The following MED13L variants were observed in gnomAD, a reference collection of about 807,000 sequenced individuals.
MED13L encodes the protein mediator of RNA polymerase II transcription subunit 13-like.
MED13L carries 7 observed loss-of-function variants against 220.9 expected under a neutral mutation model. The observed-to-expected ratio is 0.03, with a 90% CI of 0.02 to 0.06. The LOEUF (loss-of-function observed/expected upper bound fraction) is 0.06, where lower values mean the gene tolerates loss of function less well. Ranked by LOEUF, MED13L falls within the 10% of genes least tolerant of loss-of-function variation. The probability of loss-of-function intolerance (pLI) is 1.00; values close to 1 mark genes in which losing one functional copy is unlikely to be tolerated. For synonymous variants in MED13L, 1,011 were observed against 1,015.2 expected, an observed-to-expected ratio of 1.00 and a Z score of 0.08; for missense variants, 1,965 against 2,760.5, an observed-to-expected ratio of 0.71 and a Z score of 6.46.
At chr12:115,998,471 G>A (rs542050840) in intron 14 of MED13L, among the ~76,000 whole-genome samples, 9 of 152,202 alleles carry the variant, frequency 5.9e-5, no homozygotes, top group Non-Finnish European at 1.2e-4. Flanking sequence ...CAGTCCAGGT[G>A]CTGGGGACTT....
chr12:116,158,358 A>T (rs1203663027), intron 2 of MED13L, among the ~76,000 whole-genome samples: 2 of 152,196 alleles, frequency 1.3e-5, no homozygotes, highest in East Asian at 3.9e-4. Context: ...TTCTGGAAGA[A>T]GATCGGTTCT....
chr12:115,989,643 A>G (rs913864218), intron 17 of MED13L, among the ~76,000 whole-genome samples: 1 of 152,152 alleles, frequency 6.6e-6, no homozygotes, highest in Non-Finnish European at 1.5e-5. Context: ...CCAAACTTCC[A>G]CAACTCAATT....
At chr12:116,077,131 C>T (rs967926131) in intron 4 of MED13L, among the ~76,000 whole-genome samples, 2 of 152,220 alleles carry the variant, frequency 1.3e-5, no homozygotes, top group Non-Finnish European at 2.9e-5. Flanking sequence ...ATAAATATCT[C>T]TTCTTTACTA....
At chr12:116,133,988 T>C (rs926794584) in intron 2 of MED13L, among the ~76,000 whole-genome samples, 2 of 152,166 alleles carry the variant, frequency 1.3e-5, no homozygotes, top group Non-Finnish European at 2.9e-5. Flanking sequence ...AAGACTGCAG[T>C]CTTGGAGCCC....
chr12:116,198,838 T>C (rs1263146660), intron 2 of MED13L, among the ~76,000 whole-genome samples: 2 of 152,106 alleles, frequency 1.3e-5, no homozygotes, highest in Non-Finnish European at 2.9e-5. Context: ...TTAGGAGAAA[T>C]AGTAAAATGA....
At chr12:116,105,978 C>T (rs752201473) in intron 3 of MED13L, among the ~76,000 whole-genome samples, 1 of 152,200 alleles carries the variant, frequency 6.6e-6, no homozygotes, top group Non-Finnish European at 1.5e-5. Flanking sequence ...ATGTGCTCTG[C>T]CACTGCTCTG....
At position 115,958,819 on chromosome 12, in the gene MED13L, A is replaced by T. The variant is rs1875577973; in HGVS notation, c.*2447T>A. 6.6e-6 allele frequency: 1 copy of T among 152,582 alleles called. No homozygotes were observed. The highest frequency in any genetic ancestry group is 1.5e-5 in the Non-Finnish European group (1 of 68,036). 9.5% of individuals were successfully genotyped at this position (152,582 alleles called of 1,614,324 possible). ...AAGAAGCTCACTGCAAAATGCTTGA[A>T]GGAAAAAAGGAAACAAAAGAAATTC... On this transcript the variant is annotated 3_prime_UTR_variant, in exon 31 of 31. Coordinates refer to ENST00000281928, the MANE Select transcript of MED13L (RefSeq NM_015335.5).
At chr12:116,160,774 A>G (rs1244104079) in intron 2 of MED13L, among the ~76,000 whole-genome samples, 1 of 137,518 alleles carries the variant, frequency 7.3e-6, no homozygotes, top group Admixed American at 7.4e-5. Flanking sequence ...TTTTTTTTGT[A>G]GAGACAGGGT....
At chr12:116,086,180 T>C (rs765688774) in intron 4 of MED13L, among the ~76,000 whole-genome samples, 11 of 151,978 alleles carry the variant, frequency 7.2e-5, no homozygotes, top group Non-Finnish European at 1.3e-4. Flanking sequence ...TCAAGAGACA[T>C]AGGCAGAAGA....
intron 2 of MED13L, among the ~76,000 whole-genome samples, chr12:116,223,413 A>G (rs1868627163): frequency 2.0e-5 from 3 of 152,164 alleles, no homozygotes; most frequent in Non-Finnish European, 2.9e-5. Context: ...AGACTATAAA[A>G]TAAGATACTG....
chr12:116,245,923 T>C (rs1238490461), intron 1 of MED13L, among the ~76,000 whole-genome samples: 1 of 152,090 alleles, frequency 6.6e-6, no homozygotes, highest in African/African-American at 2.4e-5. Flanking sequence ...GCTCTCTGAG[T>C]GCTCAGAACA....
chr12:116,035,462 G>A (rs1881126310), intron 4 of MED13L, among the ~76,000 whole-genome samples: 1 of 152,042 alleles, frequency 6.6e-6, no homozygotes, highest in Non-Finnish European at 1.5e-5. Context: ...AGAGGTAGCA[G>A]GATACATTTT....
At chr12:116,043,689 C>G (rs1881668149) in intron 4 of MED13L, among the ~76,000 whole-genome samples, 3 of 152,118 alleles carry the variant, frequency 2.0e-5, no homozygotes, top group Non-Finnish European at 2.9e-5. Context: ...ATCTATTTAT[C>G]TTGACTATGT....
chr12:116,186,067 G>A lies in MED13L; in HGVS notation c.310+51401C>T, dbSNP rs542129157. 2.6e-5 allele frequency among the ~76,000 whole-genome samples: 4 copies of A among 152,082 alleles called. 1 individual carries two copies. Among genetic ancestry groups the A allele is most frequent in the Admixed American group, 1.3e-4 (2 of 15,278 alleles). ...CCTGAAACAAATACGCTACCTCTTC[G>A]TTTCTGCATTTCATCATATACTTCT... is the stretch of plus-strand genomic sequence containing the variant. On this transcript the variant is annotated intron_variant, in intron 2 of 30. Transcript: ENST00000281928.
At chr12:116,162,442 T>C (rs1328298063) in intron 2 of MED13L, among the ~76,000 whole-genome samples, 1 of 152,186 alleles carries the variant, frequency 6.6e-6, no homozygotes, top group Non-Finnish European at 1.5e-5. Flanking sequence ...GATATGGAAA[T>C]ATCCATGTGA....
intron 4 of MED13L, among the ~76,000 whole-genome samples, chr12:116,056,241 C>A (rs1405567486): frequency 6.6e-6 from 1 of 151,814 alleles, no homozygotes; most frequent in African/African-American, 2.4e-5. Context: ...ATAATGTATG[C>A]ATTTTCTAAT....
At chr12:115,977,905 G>A (rs1029578497) in intron 23 of MED13L, among the ~76,000 whole-genome samples, 2 of 152,100 alleles carry the variant, frequency 1.3e-5, no homozygotes, top group Non-Finnish European at 2.9e-5. Flanking sequence ...TCAGGCAGGA[G>A]GATCACTTAA....
chr12:116,085,511 A>G lies in MED13L; in HGVS notation c.479+11158T>C, dbSNP rs151267236. Among the ~76,000 whole-genome samples the G allele has an allele frequency of 4.8e-3, 730 of 152,282 alleles. 6 individuals carry two copies. Among genetic ancestry groups the G allele is most frequent in the African/African-American group, 0.017 (700 of 41,558 alleles). On this transcript the variant is annotated intron_variant, in intron 4 of 30. Coordinates refer to ENST00000281928, the MANE Select transcript of MED13L (RefSeq NM_015335.5). ...GATTACTTTTCAAACCTCATTTACC[A>G]TTTTGATCCTAAAGCATATGAAATA...
intron 4 of MED13L, among the ~76,000 whole-genome samples, chr12:116,069,559 G>A (rs1263723581): frequency 6.6e-6 from 1 of 152,122 alleles, no homozygotes; most frequent in Non-Finnish European, 1.5e-5. Context: ...TCAATTACTT[G>A]CACAGATTAA....
Sources: gnomAD v4.1 joint callset for allele counts (sites outside exome capture counted in the v4.1 genomes callset) on GRCh38, gnomAD v4.1.1 for gene constraint, MANE v1.5 for transcripts, NCBI Gene and HGNC (gene_info 2026-07-23, HGNC 2026-07-21) for gene names.